Variants in MACROD2 observed in about 807,000 individuals in gnomAD.
MACROD2 encodes the protein mono-ADP ribosylhydrolase 2.
A neutral mutation model predicts 70.4 loss-of-function variants in MACROD2; 36 were observed. The observed-to-expected ratio is 0.51, with a 90% CI of 0.39 to 0.68. The LOEUF (loss-of-function observed/expected upper bound fraction) is 0.68, where lower values mean the gene tolerates loss of function less well. Among genes scored for constraint, MACROD2 ranks in the 30% least tolerant of loss-of-function variants. The probability of loss-of-function intolerance (pLI) is 0.00; values close to 1 mark genes in which losing one functional copy is unlikely to be tolerated. For missense variants in MACROD2, 496 were observed against 538.4 expected, an observed-to-expected ratio of 0.92 and a Z score of 0.78; for synonymous variants, 172 against 178.8, an observed-to-expected ratio of 0.96 and a Z score of 0.30.
chr20:15,477,388 AT>A (rs1319611304), intron 7 of MACROD2, among the ~76,000 whole-genome samples: 2 of 151,976 alleles, frequency 1.3e-5, no homozygotes, highest in African/African-American at 4.8e-5. Context: ...CTGGTGTATT[AT>A]TTTTTAAATC....
At chr20:15,662,058 C>T (rs567909663) in intron 8 of MACROD2, among the ~76,000 whole-genome samples, 6 of 152,272 alleles carry the variant, frequency 3.9e-5, no homozygotes, top group South Asian at 2.1e-4. Flanking sequence ...TCTTTACCCA[C>T]GCTGAAGTTG....
intron 4 of MACROD2, among the ~76,000 whole-genome samples, chr20:14,508,011 A>G (rs561030790): frequency 6.6e-6 from 1 of 152,344 alleles, no homozygotes; most frequent in South Asian, 2.1e-4. Context: ...TTAGACATAC[A>G]GAAAAGCCTG....
chr20:14,626,381 A>G (rs1431739457), intron 4 of MACROD2, among the ~76,000 whole-genome samples: 3 of 152,270 alleles, frequency 2.0e-5, no homozygotes, highest in Middle Eastern at 3.4e-3. Context: ...GATATAGTAT[A>G]TAGCCTAAAA....
chr20:15,883,998 C>T (rs537464495), intron 9 of MACROD2, among the ~76,000 whole-genome samples: 15 of 152,156 alleles, frequency 9.9e-5, no homozygotes, highest in Middle Eastern at 6.8e-3. Flanking sequence ...TAGTGCTTTA[C>T]GTGGCATTAT....
At chr20:14,894,728 G>A (rs1199051954) in intron 5 of MACROD2, 1 of 151,932 alleles carries the variant, frequency 6.6e-6, no homozygotes, top group African/African-American at 2.4e-5. Context: ...ATAACAAAAT[G>A]AGAATTTCTT....
At chr20:14,640,907 T>G (rs1985055396) in intron 4 of MACROD2, among the ~76,000 whole-genome samples, 1 of 152,186 alleles carries the variant, frequency 6.6e-6, no homozygotes, top group African/African-American at 2.4e-5. Context: ...TGGTGGTTGC[T>G]GAATGCTGGG....
intron 4 of MACROD2, among the ~76,000 whole-genome samples, chr20:14,508,891 A>G (rs2084998603): frequency 6.6e-6 from 1 of 152,126 alleles, no homozygotes; most frequent in Non-Finnish European, 1.5e-5. Context: ...TCCATCTACC[A>G]ATCCATCCTT....
chr20:14,270,964 T>G (rs1187568809), intron 3 of MACROD2, among the ~76,000 whole-genome samples: 2 of 152,212 alleles, frequency 1.3e-5, no homozygotes, highest in Non-Finnish European at 2.9e-5. Flanking sequence ...TGCCCAGGCT[T>G]GCTTAGGTAA....
intron 8 of MACROD2, among the ~76,000 whole-genome samples, chr20:15,784,438 C>G (rs756146607): frequency 6.6e-6 from 1 of 152,110 alleles, no homozygotes; most frequent in Admixed American, 6.5e-5. Flanking sequence ...ATTTATGCAT[C>G]TGGTCATTAA....
At chr20:15,012,740 G>A (rs568800769) in intron 5 of MACROD2, among the ~76,000 whole-genome samples, 7 of 152,208 alleles carry the variant, frequency 4.6e-5, no homozygotes, top group South Asian at 2.1e-4. Flanking sequence ...CCCATTTCCC[G>A]GTCTCCGGTT....
intron 3 of MACROD2, among the ~76,000 whole-genome samples, chr20:14,376,575 C>T (rs1178863349): frequency 6.6e-6 from 1 of 151,738 alleles, no homozygotes; most frequent in Non-Finnish European, 1.5e-5. Context: ...AGTGAGACTC[C>T]GTCTCTACAA....
At chr20:14,297,975 A>T (rs1006195973) in intron 3 of MACROD2, among the ~76,000 whole-genome samples, 1 of 151,882 alleles carries the variant, frequency 6.6e-6, no homozygotes, top group African/African-American at 2.4e-5. Context: ...TCCTAGTGCT[A>T]ATAAGAATTA....
At chr20:14,198,735 T>G (rs1003127184) in intron 3 of MACROD2, among the ~76,000 whole-genome samples, 1 of 152,138 alleles carries the variant, frequency 6.6e-6, no homozygotes, top group Non-Finnish European at 1.5e-5. Flanking sequence ...CTTTTCCTCC[T>G]TTTCTTTCCT....
At chr20:14,997,044 C>T (rs2074955974) in intron 5 of MACROD2, among the ~76,000 whole-genome samples, 1 of 152,182 alleles carries the variant, frequency 6.6e-6, no homozygotes, top group Admixed American at 6.5e-5. Flanking sequence ...TGCACATGAC[C>T]TAGTGAGACA....
At chr20:15,326,888 G>A (rs1321495964) in intron 6 of MACROD2, among the ~76,000 whole-genome samples, 4 of 152,148 alleles carry the variant, frequency 2.6e-5, no homozygotes, top group Admixed American at 1.3e-4. Flanking sequence ...AATCAGAAAT[G>A]CGGTGAATTC....
chr20:14,955,798 T>C (rs1008460709), intron 5 of MACROD2, among the ~76,000 whole-genome samples: 5 of 152,104 alleles, frequency 3.3e-5, no homozygotes, highest in Non-Finnish European at 7.3e-5. Context: ...ACTGGACTCT[T>C]ACAGAGCTGA....
chr20:15,525,781 G>A (rs1229454651), intron 8 of MACROD2, among the ~76,000 whole-genome samples: 1 of 152,106 alleles, frequency 6.6e-6, no homozygotes, highest in Non-Finnish European at 1.5e-5. Context: ...TTGGTGTTAT[G>A]ACTATTCAAC....
In MACROD2 at chr20:15,835,738, A is replaced by T. The variant is rs146091688; in HGVS notation, c.646-27007A>T. ...TAGAGCAGTTAATTTGTCCAAAGTC[A>T]ATCAACTCGTATAATAATGAGTTAT... On this transcript the variant is annotated intron_variant, in intron 8 of 17. Coordinates refer to ENST00000684519, the MANE Select transcript of MACROD2 (RefSeq NM_001351661.2). Among the ~76,000 whole-genome samples the T allele has an allele frequency of 3.6e-3, 549 of 152,322 alleles. 2 individuals are homozygous for T. The highest frequency in any genetic ancestry group is 0.013 in the African/African-American group (530 of 41,572).
In MACROD2 at chr20:14,330,208, T is replaced by C. The variant is rs2301026; in HGVS notation, c.272-163271T>C. Among the ~76,000 whole-genome samples the C allele has an allele frequency of 1.2e-4, 18 of 152,194 alleles. No homozygotes were observed. The East Asian group carries it at 3.5e-3, about 29-fold the overall frequency. On this transcript the variant is annotated intron_variant, in intron 3 of 17. Transcript: ENST00000684519. Reference sequence around the variant, plus strand: ...TTTTTCATTTCCAAAAGAAGACTTTTGGCTTGACTAAAGAGATCATTGAAT... The same window carrying C: ...TTTTTCATTTCCAAAAGAAGACTTTCGGCTTGACTAAAGAGATCATTGAAT...
Sources: gnomAD v4.1 joint callset for allele counts (sites outside exome capture counted in the v4.1 genomes callset) on GRCh38, gnomAD v4.1.1 for gene constraint, MANE v1.5 for transcripts, NCBI Gene and HGNC (gene_info 2026-07-23, HGNC 2026-07-21) for gene names.